FOXP1: variants seen among roughly 807,000 people sequenced by gnomAD.
The protein encoded by FOXP1 is forkhead box P1.
Under a neutral mutation model 98.2 loss-of-function variants are expected in FOXP1, and 15 were observed. The observed-to-expected ratio is 0.15, with a 90% CI of 0.10 to 0.24. The LOEUF (loss-of-function observed/expected upper bound fraction) is 0.24. FOXP1 is among the 10% of genes least tolerant of loss of function. FOXP1 has a pLI of 1.00. For missense variants in FOXP1, 633 were observed against 848.5 expected, an observed-to-expected ratio of 0.75 and a Z score of 3.15; for synonymous variants, 371 against 314.5, an observed-to-expected ratio of 1.18 and a Z score of -1.90.
At chr3:71,037,639 A>G (rs1028743339) in intron 11 of FOXP1, among the ~76,000 whole-genome samples, 1 of 152,218 alleles carries the variant, frequency 6.6e-6, no homozygotes, top group Non-Finnish European at 1.5e-5. Context: ...CAACACAGGC[A>G]TGTTTATTGC....
intron 3 of FOXP1, among the ~76,000 whole-genome samples, chr3:71,440,924 A>G (rs1411651003): frequency 6.6e-6 from 1 of 152,178 alleles, no homozygotes; most frequent in African/African-American, 2.4e-5. Flanking sequence ...TAAACAAGCA[A>G]AAGACCCTAC....
intron 3 of FOXP1, among the ~76,000 whole-genome samples, chr3:71,453,421 C>G (rs1451001711): frequency 1.3e-5 from 2 of 152,146 alleles, no homozygotes; most frequent in Non-Finnish European, 2.9e-5. Flanking sequence ...ATTTTGAGAC[C>G]TGGTTACCTT....
chr3:71,262,870 C>A (rs751599482), intron 5 of FOXP1, among the ~76,000 whole-genome samples: 1 of 152,202 alleles, frequency 6.6e-6, no homozygotes, highest in African/African-American at 2.4e-5. Flanking sequence ...TGATCTGACC[C>A]GGTAGATCTT....
At chr3:70,992,971 C>T (rs1212768468) in intron 13 of FOXP1, among the ~76,000 whole-genome samples, 2 of 152,064 alleles carry the variant, frequency 1.3e-5, no homozygotes, top group Non-Finnish European at 2.9e-5. Flanking sequence ...CTCTGTGAGG[C>T]CGCTAGTATA....
intron 5 of FOXP1, among the ~76,000 whole-genome samples, chr3:71,209,371 G>A (rs2064288971): frequency 6.6e-6 from 1 of 152,116 alleles, no homozygotes; most frequent in Admixed American, 6.6e-5. Context: ...AATCTTTAAT[G>A]TTTCATCCAG....
chr3:71,350,977 A>G (rs1172218626), intron 4 of FOXP1, among the ~76,000 whole-genome samples: 1 of 152,190 alleles, frequency 6.6e-6, no homozygotes, highest in African/African-American at 2.4e-5. Flanking sequence ...CTCCTGCTCC[A>G]GCTCCAGTAA....
intron 19 of FOXP1, chr3:70,968,843 G>T (rs1175627318): frequency 6.6e-6 from 1 of 152,188 alleles, no homozygotes; most frequent in Non-Finnish European, 1.5e-5. Flanking sequence ...TTGCACAGTA[G>T]AAAGTTGTCT....
At chr3:71,238,854 T>G (rs1367900985) in intron 5 of FOXP1, among the ~76,000 whole-genome samples, 1 of 152,210 alleles carries the variant, frequency 6.6e-6, no homozygotes, top group East Asian at 1.9e-4. Context: ...AGGTTTACAA[T>G]CTCAACATCA....
At chr3:71,307,088 T>C (rs1289523221) in intron 4 of FOXP1, among the ~76,000 whole-genome samples, 1 of 152,228 alleles carries the variant, frequency 6.6e-6, no homozygotes, top group Admixed American at 6.5e-5. Flanking sequence ...ATTAAATGAT[T>C]TTGATTGAAA....
intron 3 of FOXP1, among the ~76,000 whole-genome samples, chr3:71,370,615 T>C (rs538339925): frequency 1.3e-5 from 2 of 152,300 alleles, no homozygotes; most frequent in Admixed American, 1.3e-4. Context: ...CTTTATTGTG[T>C]CTGTCTTATC....
At chr3:71,136,273 G>A (rs1337083112) in intron 6 of FOXP1, among the ~76,000 whole-genome samples, 2 of 152,154 alleles carry the variant, frequency 1.3e-5, no homozygotes, top group African/African-American at 4.8e-5. Context: ...ATGTATTTTA[G>A]AAGCTACCCT....
chr3:71,385,815 C>T (rs934412098), intron 3 of FOXP1, among the ~76,000 whole-genome samples: 46 of 152,044 alleles, frequency 3.0e-4, no homozygotes, highest in African/African-American at 1.1e-3. Context: ...TTCTTTTCCC[C>T]GCACCTCTCT....
At chr3:71,461,455 C>A (rs1167928288) in intron 3 of FOXP1, among the ~76,000 whole-genome samples, 2 of 152,268 alleles carry the variant, frequency 1.3e-5, no homozygotes, top group East Asian at 3.9e-4. Flanking sequence ...GATCGTATCA[C>A]TGTGTTCCAG....
At chr3:71,242,722 G>T (rs1371422043) in intron 5 of FOXP1, among the ~76,000 whole-genome samples, 1 of 147,380 alleles carries the variant, frequency 6.8e-6, no homozygotes, top group Non-Finnish European at 1.5e-5. Flanking sequence ...ACATCGCTGT[G>T]ATACACAGCA....
intron 3 of FOXP1, among the ~76,000 whole-genome samples, chr3:71,477,925 G>A (rs966181751): frequency 2.6e-5 from 4 of 152,120 alleles, no homozygotes; most frequent in African/African-American, 7.2e-5. Flanking sequence ...GCTGCAAATC[G>A]TTTTATAATT....
At chr3:71,053,599 G>T in intron 8 of FOXP1, 37 bp downstream of exon 8, 1 of 1,613,138 alleles carries the variant, frequency 6.2e-7, no homozygotes, top group East Asian at 2.2e-5. Context: ...CCTGGGTTCT[G>T]GGGGAGACAG....
intron 2 of FOXP1, among the ~76,000 whole-genome samples, chr3:71,562,485 G>A (rs1399338745): frequency 6.6e-6 from 1 of 152,144 alleles, no homozygotes; most frequent in Non-Finnish European, 1.5e-5. Flanking sequence ...GTGTTGGGCT[G>A]GATTCTTGAC....
intron 6 of FOXP1, among the ~76,000 whole-genome samples, chr3:71,168,569 C>T (rs1381572996): frequency 1.3e-5 from 2 of 152,134 alleles, no homozygotes; most frequent in Non-Finnish European, 2.9e-5. Flanking sequence ...AGAACTGCTG[C>T]AAACAAAAAC....
intron 3 of FOXP1, among the ~76,000 whole-genome samples, chr3:71,396,968 G>GTA (rs201155361): frequency 4.5e-4 from 9 of 19,942 alleles, no homozygotes; most frequent in Admixed American, 8.6e-4. Flanking sequence ...ATATATGTGT[G>GTA]TATATATATA....
Sources: allele counts gnomAD v4.1 joint callset (sites outside exome capture counted in the v4.1 genomes callset), GRCh38; gene constraint gnomAD v4.1.1; transcripts MANE v1.5; gene names NCBI Gene and HGNC (gene_info 2026-07-23, HGNC 2026-07-21).